DAB1: variants seen among roughly 807,000 people sequenced by gnomAD.
DAB1 encodes the protein DAB adaptor protein 1.
Under a neutral mutation model 64.6 loss-of-function variants are expected in DAB1, and 15 were observed. The observed-to-expected ratio is 0.23, with a 90% confidence interval of 0.16 to 0.36. The LOEUF (loss-of-function observed/expected upper bound fraction) is 0.36. Ranked by LOEUF, DAB1 falls within the 10% of genes least tolerant of loss-of-function variation. DAB1 has a pLI of 1.00. For synonymous variants in DAB1, 235 were observed against 251.9 expected, an observed-to-expected ratio of 0.93 and a Z score of 0.64; for missense variants, 596 against 706.7, an observed-to-expected ratio of 0.84 and a Z score of 1.78.
chr1:57,403,346 TACTAACAAAGCCAGC>T (rs1683394753), intron 1 of DAB1, among the ~76,000 whole-genome samples: 1 of 152,168 alleles, frequency 6.6e-6, no homozygotes, highest in Non-Finnish European at 1.5e-5. Context: ...AGAACCTACT[TACTAACAAAGCCAGC>T]ACTGAGAAGG....
intron 4 of DAB1, among the ~76,000 whole-genome samples, chr1:57,087,299 G>A (rs1383028922): frequency 1.3e-5 from 2 of 152,246 alleles, no homozygotes; most frequent in Non-Finnish European, 2.9e-5. Flanking sequence ...GAGAGATGGA[G>A]ATGCAGAGCC....
chr1:57,306,513 CTTTTTTTTT>C (rs1166241090), intron 1 of DAB1, among the ~76,000 whole-genome samples: 2,226 of 114,324 alleles, frequency 0.019, 49 homozygotes, highest in African/African-American at 0.07. Context: ...TTAGAACAGG[CTTTTTTTTT>C]TTTTTTTTTT....
intron 1 of DAB1, among the ~76,000 whole-genome samples, chr1:57,304,429 C>T (rs1410295418): frequency 6.8e-6 from 1 of 146,896 alleles, no homozygotes; most frequent in Non-Finnish European, 1.5e-5. Context: ...CCAAACTATA[C>T]CACTGTTATC....
At chr1:58,093,425 A>G (rs1430970830) in intron 5 of DAB1, among the ~76,000 whole-genome samples, 1 of 152,036 alleles carries the variant, frequency 6.6e-6, no homozygotes. Context: ...AGTGAGCCTT[A>G]CCGCCTGATC....
chr1:58,472,365 T>C (rs1645368665), intron 3 of DAB1, among the ~76,000 whole-genome samples: 1 of 152,358 alleles, frequency 6.6e-6, no homozygotes, highest in Admixed American at 6.5e-5. Context: ...TGGCCTCCCC[T>C]TGTCCTTGGT....
At chr1:57,197,332 A>T (rs1410379935) in intron 2 of DAB1, among the ~76,000 whole-genome samples, 1 of 136,248 alleles carries the variant, frequency 7.3e-6, no homozygotes, top group Non-Finnish European at 1.6e-5. Flanking sequence ...TGACAGAGAG[A>T]GACTTCATCT....
chr1:57,169,340 G>T (rs1230359956), intron 2 of DAB1, among the ~76,000 whole-genome samples: 5 of 152,090 alleles, frequency 3.3e-5, no homozygotes, highest in Admixed American at 2.6e-4. Flanking sequence ...TAAATATTTT[G>T]CAAGCATCAC....
chr1:57,624,285 GC>G, intron 7 of DAB1, among the ~76,000 whole-genome samples: 1 of 152,298 alleles, frequency 6.6e-6, no homozygotes, highest in African/African-American at 2.4e-5. Flanking sequence ...TGGTTTGCAG[GC>G]TTTTGGTGTC....
intron 9 of DAB1, chr1:57,033,258 T>A: frequency 1.0e-6 from 1 of 982,380 alleles, no homozygotes; most frequent in Non-Finnish European, 1.6e-6. Flanking sequence ...CTGGGGACAT[T>A]TGAATAGGTA....
At chr1:57,134,317 G>T (rs1657888804) in intron 4 of DAB1, among the ~76,000 whole-genome samples, 1 of 152,110 alleles carries the variant, frequency 6.6e-6, no homozygotes, top group Non-Finnish European at 1.5e-5. Context: ...GGGCGCGGTG[G>T]CTCATGCCTG....
At chr1:57,901,059 T>C (rs1644466369) in intron 5 of DAB1, among the ~76,000 whole-genome samples, 2 of 152,156 alleles carry the variant, frequency 1.3e-5, no homozygotes, top group Non-Finnish European at 2.9e-5. Context: ...GCTATCCATA[T>C]AAAGGAAAAA....
At chr1:57,559,603 G>T (rs1386871234) in intron 7 of DAB1, among the ~76,000 whole-genome samples, 1 of 152,166 alleles carries the variant, frequency 6.6e-6, no homozygotes, top group African/African-American at 2.4e-5. Context: ...GCTTATGGAG[G>T]TCAGGTAATT....
At chr1:58,330,320 G>T (rs1228519256) in intron 4 of DAB1, among the ~76,000 whole-genome samples, 5 of 152,230 alleles carry the variant, frequency 3.3e-5, no homozygotes, top group African/African-American at 1.2e-4. Context: ...CGAAGCTGCA[G>T]AAGAAAAGTT....
intron 2 of DAB1, among the ~76,000 whole-genome samples, chr1:57,197,791 T>C (rs1288077670): frequency 6.6e-6 from 1 of 152,224 alleles, no homozygotes; most frequent in Non-Finnish European, 1.5e-5. Context: ...AGACAAAACA[T>C]TTGTTTAATT....
chr1:57,800,036 C>T (rs1651051766), intron 6 of DAB1, among the ~76,000 whole-genome samples: 1 of 152,134 alleles, frequency 6.6e-6, no homozygotes, highest in Non-Finnish European at 1.5e-5. Flanking sequence ...ATAAACACTA[C>T]GATCAATTGT....
intron 4 of DAB1, among the ~76,000 whole-genome samples, chr1:57,081,394 G>T (rs769647409): frequency 9.2e-5 from 14 of 152,122 alleles, no homozygotes; most frequent in Non-Finnish European, 8.8e-5. Flanking sequence ...CTTCCTTGGA[G>T]CTCACAAGAT....
chr1:57,731,266 T>A (rs1647400346), intron 6 of DAB1, among the ~76,000 whole-genome samples: 1 of 152,168 alleles, frequency 6.6e-6, no homozygotes, highest in African/African-American at 2.4e-5. Flanking sequence ...AAGTAGAATA[T>A]TAGTCAAACT....
chr1:57,962,957 T>C (rs1645563096), intron 5 of DAB1, among the ~76,000 whole-genome samples: 1 of 152,148 alleles, frequency 6.6e-6, no homozygotes, highest in South Asian at 2.1e-4. Flanking sequence ...AATTTTATGC[T>C]ATATTTTCTT....
intron 7 of DAB1, among the ~76,000 whole-genome samples, chr1:57,458,278 TTAAC>T (rs1477057816): frequency 4.6e-5 from 7 of 152,130 alleles, no homozygotes; most frequent in Non-Finnish European, 7.4e-5. Context: ...CATGAACTAT[TTAAC>T]TAATGCTTTG....
Sources: allele counts gnomAD v4.1 joint callset (sites outside exome capture counted in the v4.1 genomes callset), GRCh38; gene constraint gnomAD v4.1.1; transcripts MANE v1.5; gene names NCBI Gene and HGNC (gene_info 2026-07-23, HGNC 2026-07-21).